Variants in DCHS2 observed in about 807,000 individuals in gnomAD.
DCHS2 encodes protocadherin-23.
A neutral mutation model predicts 182.4 loss-of-function variants in DCHS2; 142 were observed. The observed-to-expected ratio is 0.78, with a 90% confidence interval of 0.68 to 0.89. The LOEUF is 0.89. DCHS2 is among the 40% of genes least tolerant of loss of function. The probability of loss-of-function intolerance (pLI) is 0.00; values close to 1 mark genes in which losing one functional copy is unlikely to be tolerated. For missense variants in DCHS2, 4,319 were observed against 4,198.6 expected, an observed-to-expected ratio of 1.03 and a Z score of -0.79; for synonymous variants, 1,740 against 1,663.3, an observed-to-expected ratio of 1.05 and a Z score of -1.12.
At chr4:154,363,261 T>A (rs1395260617) in intron 3 of DCHS2, among the ~76,000 whole-genome samples, 2 of 152,300 alleles carry the variant, frequency 1.3e-5, no homozygotes, top group African/African-American at 4.8e-5. Flanking sequence ...ATATTTACAC[T>A]AGTATGTTCA....
chr4:154,337,662 T>C (rs943802787), intron 3 of DCHS2, among the ~76,000 whole-genome samples: 1 of 152,170 alleles, frequency 6.6e-6, no homozygotes, highest in Non-Finnish European at 1.5e-5. Flanking sequence ...CTGTCTTCCA[T>C]CTGGATTGCT....
chr4:154,438,027 A>C (rs936053765), intron 1 of DCHS2, among the ~76,000 whole-genome samples: 5 of 152,150 alleles, frequency 3.3e-5, no homozygotes, highest in Non-Finnish European at 5.9e-5. Flanking sequence ...TTAATAAAAT[A>C]AAAATAAATA....
At chr4:154,365,847 A>T (rs979425720) in intron 3 of DCHS2, among the ~76,000 whole-genome samples, 1 of 150,010 alleles carries the variant, frequency 6.7e-6, no homozygotes, top group Admixed American at 6.7e-5. Context: ...CCAGGGTTTC[A>T]CCATCTTGGC....
chr4:154,270,030 A>G lies in DCHS2; in HGVS notation c.6464-17T>C. ...TAGAAGTACCTGTAAAAATTAGGTA[A>G]AAAAAGAACTCCATTAGGATAAAAA... On this transcript the variant is annotated splice_polypyrimidine_tract_variant and intron_variant, in intron 13 of 19. Transcript: ENST00000357232. The G allele has an allele frequency of 6.3e-7, 1 of 1,584,250 alleles. No homozygotes were observed. The highest frequency in any genetic ancestry group is 8.5e-7 in the Non-Finnish European group (1 of 1,171,604).
chr4:154,358,748 T>C (rs941318974), intron 3 of DCHS2, among the ~76,000 whole-genome samples: 1 of 152,022 alleles, frequency 6.6e-6, no homozygotes, highest in Non-Finnish European at 1.5e-5. Context: ...ACCTATTTAC[T>C]TGAATCTAAC....
chr4:154,405,038 G>A (rs1732340789), intron 1 of DCHS2, among the ~76,000 whole-genome samples: 2 of 152,072 alleles, frequency 1.3e-5, no homozygotes, highest in South Asian at 4.1e-4. Flanking sequence ...CCTGAGGTCA[G>A]GAGTTTGAGA....
At position 154,383,383 on chromosome 4, in the gene DCHS2, G is replaced by A. The variant is rs530582297; in HGVS notation, c.2053-5939C>T. ...TGGTTGCAATGCTCATTGCCTGGGC[G>A]ATGGGATCAATTGTACCCCAAACCT... On this transcript the variant is annotated intron_variant, in intron 1 of 19. Transcript: ENST00000357232. 1.9e-4 allele frequency among the ~76,000 whole-genome samples: 29 copies of A among 152,262 alleles called. No individual in the cohort carries two copies. In the South Asian group the frequency reaches 5.4e-3, roughly 28 times the overall value.
intron 3 of DCHS2, among the ~76,000 whole-genome samples, chr4:154,337,466 C>A (rs756921384): frequency 6.6e-6 from 1 of 152,108 alleles, no homozygotes; most frequent in Non-Finnish European, 1.5e-5. Flanking sequence ...AATCTAGACA[C>A]ATCGATGGCT....
intron 3 of DCHS2, among the ~76,000 whole-genome samples, chr4:154,363,927 C>T (rs984895858): frequency 2.0e-5 from 3 of 152,134 alleles, no homozygotes; most frequent in Non-Finnish European, 2.9e-5. Flanking sequence ...TAGCTAGTCA[C>T]GATGCTTTTT....
chr4:154,342,198 A>T (rs1372056040), intron 3 of DCHS2, among the ~76,000 whole-genome samples: 1 of 119,946 alleles, frequency 8.3e-6, no homozygotes, highest in Non-Finnish European at 1.7e-5. Flanking sequence ...ACCTTAATTT[A>T]AAAATATTTT....
At chr4:154,317,188 AC>A (rs1197897727) in intron 9 of DCHS2, among the ~76,000 whole-genome samples, 4 of 152,338 alleles carry the variant, frequency 2.6e-5, no homozygotes, top group Admixed American at 1.3e-4. Flanking sequence ...TCTTTGAAAA[AC>A]ATCTCCATTG....
intron 1 of DCHS2, among the ~76,000 whole-genome samples, chr4:154,440,286 A>G (rs979170172): frequency 2.6e-5 from 4 of 152,226 alleles, no homozygotes; most frequent in Non-Finnish European, 5.9e-5. Context: ...AAAAAAGTGT[A>G]CGATTGATGG....
rs764923799 is a variant in DCHS2 at position 154,233,462 on chromosome 4, T to TCTTAA, written c.*1069_*1073dup. On this transcript the variant is annotated 3_prime_UTR_variant, in exon 20 of 20. Transcript: ENST00000357232. ...TGGTAAAAAGACTTCTGACTTCTAT[T>TCTTAA]CTTAACTTTTATAGTAGAAACATTT... is the stretch of plus-strand genomic sequence containing the variant. The TCTTAA allele has an allele frequency of 6.6e-6, 1 of 152,206 alleles. No homozygotes were observed. The highest frequency in any genetic ancestry group is 2.4e-5 in the African/African-American group (1 of 41,458). 9.4% of individuals were successfully genotyped at this position (152,206 alleles called of 1,614,324 possible).
chr4:154,302,546 T>C (rs1735229267), intron 12 of DCHS2, among the ~76,000 whole-genome samples: 3 of 152,136 alleles, frequency 2.0e-5, no homozygotes, highest in Non-Finnish European at 4.4e-5. Context: ...CTTTGCTGTG[T>C]CACCTTTTTA....
In DCHS2 at chr4:154,237,949, C is replaced by A. The variant is rs1159251710; in HGVS notation, c.7493-790G>T. 2.0e-5 allele frequency among the ~76,000 whole-genome samples: 3 copies of A among 152,018 alleles called. No individual in the cohort carries two copies. The East Asian group carries it at 5.8e-4, about 29-fold the overall frequency. ...TTGCATTTAATGTTTTTAACATTGCCTTTAATGTTTTAAACATTTAATGTT... is the reference window on the plus strand; with the variant it reads ...TTGCATTTAATGTTTTTAACATTGCATTTAATGTTTTAAACATTTAATGTT... On this transcript the variant is annotated intron_variant, in intron 19 of 19. Coordinates refer to ENST00000357232, the MANE Select transcript of DCHS2 (RefSeq NM_001358235.2).
chr4:154,476,418 A>C (rs1188183295), intron 1 of DCHS2, among the ~76,000 whole-genome samples: 1 of 152,244 alleles, frequency 6.6e-6, no homozygotes, highest in East Asian at 1.9e-4. Context: ...ATTACAACAC[A>C]AAAAGGGTAT....
Position 154,235,496 on chromosome 4 carries a change from G to A in DCHS2, c.9156C>T (p.Phe3052=), listed in dbSNP as rs1325708633. Residue 3052 remains phenylalanine, a synonymous_variant, in exon 20 of 20, where the codon TTC becomes TTT. Transcript: ENST00000357232. ...CGTTACTGCAGTCGTCAGTTTTCTG[G>A]AAGGCTTTGAGCACACTGGCATCCC... is the stretch of plus-strand genomic sequence containing the variant. ...VTRDASVLKA[F]QKTDDCSNEV... 2 of 1,614,060 alleles carry A rather than the reference G, an allele frequency of 1.2e-6. No individual in the cohort carries two copies. The highest frequency in any genetic ancestry group is 3.3e-5 in the Admixed American group (2 of 60,002).
rs972115507 is a variant in DCHS2 at position 154,449,940 on chromosome 4, T to A, written c.2052+39364A>T. Among the ~76,000 whole-genome samples the A allele has an allele frequency of 2.0e-5, 3 of 152,182 alleles. No individual in the cohort carries two copies. The East Asian group carries it at 5.8e-4, about 29-fold the overall frequency. ...GCATCACATCCTTTCCTCCTTCCAC[T>A]CTCACCTTTCCACAAACAAGAGAAA... On this transcript the variant is annotated intron_variant, in intron 1 of 19. Coordinates refer to ENST00000357232, the MANE Select transcript of DCHS2 (RefSeq NM_001358235.2).
intron 3 of DCHS2, among the ~76,000 whole-genome samples, chr4:154,347,889 A>C (rs770040446): frequency 1.3e-5 from 2 of 151,884 alleles, no homozygotes; most frequent in Admixed American, 6.5e-5. Flanking sequence ...CCCTTTACTT[A>C]AATGGTACAG....
Sources: allele counts gnomAD v4.1 joint callset (sites outside exome capture counted in the v4.1 genomes callset), GRCh38; gene constraint gnomAD v4.1.1; transcripts MANE v1.5; gene names NCBI Gene and HGNC (gene_info 2026-07-23, HGNC 2026-07-21).